MTHFD2L: variants seen among roughly 807,000 people sequenced by gnomAD.
MTHFD2L encodes bifunctional methylenetetrahydrofolate dehydrogenase/cyclohydrolase 2, mitochondrial.
In MTHFD2L, 29 loss-of-function variants were observed where a neutral mutation model predicts 34.9. The observed-to-expected ratio is 0.83, with a 90% CI of 0.62 to 1.13. MTHFD2L has a LOEUF of 1.13. Ranked by LOEUF, MTHFD2L falls within the 50% of genes most tolerant of loss-of-function variation. The pLI is 0.00. For missense variants in MTHFD2L, 481 were observed against 446.5 expected, an observed-to-expected ratio of 1.08 and a Z score of -0.70; for synonymous variants, 167 against 155.7, an observed-to-expected ratio of 1.07 and a Z score of -0.54.
chr4:74,153,792 C>T (rs1241285615), upstream of MTHFD2L, among the ~76,000 whole-genome samples: 4 of 152,028 alleles, frequency 2.6e-5, no homozygotes, highest in South Asian at 2.1e-4. Context: ...TTTAAATTTA[C>T]GGAAAAATTC....
intron 3 of MTHFD2L, among the ~76,000 whole-genome samples, chr4:74,193,286 G>T (rs959223585): frequency 6.6e-6 from 1 of 152,082 alleles, no homozygotes; most frequent in Non-Finnish European, 1.5e-5. Flanking sequence ...CTAAAGCTGG[G>T]CTCTCTTTTC....
chr4:74,134,900 T>TA (rs1177336669), intron 1 of MTHFD2L, among the ~76,000 whole-genome samples: 1 of 151,278 alleles, frequency 6.6e-6, no homozygotes, highest in Non-Finnish European at 1.5e-5. Flanking sequence ...GACTGGCTGT[T>TA]AAAAAATAAA....
At position 74,255,816 on chromosome 4, in the gene MTHFD2L, C is replaced by T. The variant is rs934417583; in HGVS notation, c.806-25609C>T. On this transcript the variant is annotated intron_variant, in intron 6 of 7. Coordinates refer to ENST00000325278, the MANE Select transcript of MTHFD2L (RefSeq NM_001144978.3). ...GCCTAAAGCTCTATCCATATTGCTG[C>T]AAAGGACACTGTTTCATCCTTTTTT... 1.2e-4 allele frequency among the ~76,000 whole-genome samples: 19 copies of T among 152,196 alleles called. 1 individual carries two copies. The highest frequency in any genetic ancestry group is 2.8e-4 in the Non-Finnish European group (19 of 68,024).
intron 1 of MTHFD2L, among the ~76,000 whole-genome samples, chr4:74,152,043 A>G (rs929241470): frequency 6.6e-6 from 1 of 152,118 alleles, no homozygotes; most frequent in Non-Finnish European, 1.5e-5. Flanking sequence ...ATCCTAATTA[A>G]CCCATCTTTG....
intron 3 of MTHFD2L, among the ~76,000 whole-genome samples, chr4:74,185,163 A>AAAAAAAAAAC: frequency 6.7e-6 from 1 of 150,372 alleles, no homozygotes; most frequent in African/African-American, 2.5e-5. Context: ...AAAAAAAAAA[A>AAAAAAAAAAC]AAAAAAAAAA....
chr4:74,137,308 C>T (rs974442484), intron 1 of MTHFD2L, among the ~76,000 whole-genome samples: 2 of 152,050 alleles, frequency 1.3e-5, no homozygotes, highest in African/African-American at 4.8e-5. Context: ...GACAACATGT[C>T]TGAATAGACA....
At chr4:74,301,260 A>G (rs1012743401) in intron 7 of MTHFD2L, among the ~76,000 whole-genome samples, 3 of 152,146 alleles carry the variant, frequency 2.0e-5, no homozygotes, top group African/African-American at 7.2e-5. Flanking sequence ...ATCCACACAT[A>G]CATTGTGATA....
At chr4:74,264,325 C>T (rs1174137891) in intron 6 of MTHFD2L, among the ~76,000 whole-genome samples, 1 of 151,874 alleles carries the variant, frequency 6.6e-6, no homozygotes, top group Non-Finnish European at 1.5e-5. Context: ...GAAAAACCTA[C>T]TAAAATTATA....
intron 5 of MTHFD2L, among the ~76,000 whole-genome samples, chr4:74,203,818 C>G (rs571892237): frequency 1.3e-5 from 2 of 151,984 alleles, no homozygotes; most frequent in South Asian, 4.2e-4. Context: ...CCAGCCATAT[C>G]ACAAGATAAA....
intron 3 of MTHFD2L, among the ~76,000 whole-genome samples, chr4:74,189,485 CTTTTTTTTTTTT>C (rs55665552): frequency 2.1e-4 from 25 of 119,794 alleles, no homozygotes; most frequent in African/African-American, 8.5e-4. Flanking sequence ...GTTTTTCTTC[CTTTTTTTTTTTT>C]TTTTTTTTTT....
intron 6 of MTHFD2L, among the ~76,000 whole-genome samples, chr4:74,256,548 A>G (rs964566938): frequency 3.9e-5 from 6 of 152,064 alleles, no homozygotes; most frequent in Non-Finnish European, 8.8e-5. Flanking sequence ...TAAATCTTCA[A>G]TCCATCTTGA....
chr4:74,214,420 T>A (rs919959295), intron 5 of MTHFD2L, among the ~76,000 whole-genome samples: 1 of 151,830 alleles, frequency 6.6e-6, no homozygotes, highest in African/African-American at 2.4e-5. Context: ...TTGTTGGTGT[T>A]GATGCTACTC....
chr4:74,249,565 C>A (rs1442319849), intron 6 of MTHFD2L, among the ~76,000 whole-genome samples: 1 of 151,994 alleles, frequency 6.6e-6, no homozygotes, highest in African/African-American at 2.4e-5. Context: ...GATGCAGTTT[C>A]TTCCTAATCT....
intron 3 of MTHFD2L, among the ~76,000 whole-genome samples, chr4:74,192,456 A>G (rs1156938563): frequency 1.3e-5 from 2 of 152,156 alleles, no homozygotes; most frequent in Admixed American, 1.3e-4. Context: ...TATACCCCTA[A>G]AACTTTAGTG....
chr4:74,284,473 GTCT>G (rs780351829), intron 7 of MTHFD2L, among the ~76,000 whole-genome samples: 17 of 151,694 alleles, frequency 1.1e-4, no homozygotes, highest in Non-Finnish European at 2.1e-4. Flanking sequence ...CTGCATAAAT[GTCT>G]TCTTTTGAGA....
At chr4:74,137,924 A>C (rs970208649) in intron 1 of MTHFD2L, among the ~76,000 whole-genome samples, 2 of 152,128 alleles carry the variant, frequency 1.3e-5, no homozygotes, top group Non-Finnish European at 2.9e-5. Flanking sequence ...ATGAAGATAC[A>C]GATTGATGGT....
At chr4:74,222,777 CAAAATT>C (rs1306039878) in intron 5 of MTHFD2L, among the ~76,000 whole-genome samples, 1 of 152,014 alleles carries the variant, frequency 6.6e-6, no homozygotes, top group Non-Finnish European at 1.5e-5. Context: ...CTTGCATTTT[CAAAATT>C]GTTTGCAACT....
At chr4:74,171,916 C>A (rs900616983) in intron 1 of MTHFD2L, among the ~76,000 whole-genome samples, 2 of 126,664 alleles carry the variant, frequency 1.6e-5, no homozygotes, top group Non-Finnish European at 3.5e-5. Context: ...CCCGAATATC[C>A]ATTAATTACA....
At chr4:74,175,514 G>A in intron 3 of MTHFD2L, 111 bp downstream of exon 3, 1 of 1,190,598 alleles carries the variant, frequency 8.4e-7, no homozygotes, top group Admixed American at 2.3e-5. Context: ...TTCAGAAGGA[G>A]ACTAGCTATT....
Sources: allele counts gnomAD v4.1 joint callset (sites outside exome capture counted in the v4.1 genomes callset), GRCh38; gene constraint gnomAD v4.1.1; transcripts MANE v1.5; gene names NCBI Gene and HGNC (gene_info 2026-07-23, HGNC 2026-07-21).